C22orf42: variants seen among roughly 807,000 people sequenced by gnomAD.
The protein encoded by C22orf42 is chromosome 22 open reading frame 42, also known as uncharacterized protein C22orf42.
C22orf42 carries 24 observed loss-of-function variants against 31.4 expected under a neutral mutation model. The ratio of observed to expected loss-of-function variants is 0.77; its 90% CI spans 0.55 to 1.08. The LOEUF (loss-of-function observed/expected upper bound fraction) is 1.08. C22orf42 is among the 50% of genes least tolerant of loss of function. C22orf42 has a pLI of 0.00. For synonymous variants in C22orf42, 96 were observed against 112.7 expected, an observed-to-expected ratio of 0.85 and a Z score of 0.94; for missense variants, 276 against 327.3, an observed-to-expected ratio of 0.84 and a Z score of 1.21.
At position 32,150,483 on chromosome 22, in the gene C22orf42, G is replaced by A. The variant is rs1254743930; in HGVS notation, c.494-4C>T. On this transcript the variant is annotated splice_region_variant and splice_polypyrimidine_tract_variant and intron_variant, in intron 6 of 8. Coordinates refer to ENST00000382097, the MANE Select transcript of C22orf42 (RefSeq NM_001010859.3). ...TCACTGAGATCTTCGACCAAATCTA[G>A]GAGAACATAGTGACAGTCAGTGCAT... The A allele has an allele frequency of 1.9e-6, 3 of 1,613,966 alleles. No homozygotes were observed. The highest frequency in any genetic ancestry group is 2.5e-6 in the Non-Finnish European group (3 of 1,180,008).
At chr22:32,155,526 G>A (rs1310459145) in intron 1 of C22orf42, among the ~76,000 whole-genome samples, 8 of 151,144 alleles carry the variant, frequency 5.3e-5, no homozygotes, top group East Asian at 1.9e-4. Context: ...GCACACTCAC[G>A]CCTTGCTTCT....
chr22:32,151,975 A>G (rs1431588710), intron 4 of C22orf42, 92 bp downstream of exon 4: 12 of 1,290,240 alleles, frequency 9.3e-6, no homozygotes, highest in Non-Finnish European at 1.3e-5. Context: ...CTGTGAATAT[A>G]GTAAAAACGC....
intron 1 of C22orf42, among the ~76,000 whole-genome samples, chr22:32,155,255 A>G (rs1343269696): frequency 2.0e-5 from 3 of 152,272 alleles, no homozygotes; most frequent in Middle Eastern, 3.4e-3. Flanking sequence ...CCCTGGAGAG[A>G]TGGCAGGTGG....
intron 3 of C22orf42, 116 bp downstream of exon 3, chr22:32,152,446 C>G (rs1921014614): frequency 1.2e-5 from 11 of 898,346 alleles, no homozygotes; most frequent in Admixed American, 2.0e-5. Context: ...TCTCTAGAGT[C>G]CATGACACTG....
At chr22:32,160,240 C>A (rs1921518813), upstream of C22orf42, 1 of 152,180 alleles carries the variant, frequency 6.6e-6, no homozygotes, top group Admixed American at 6.5e-5. Context: ...ACAAGCCGAT[C>A]ATGATTATCA....
intron 8 of C22orf42, 27 bp from the exon 9 acceptor site, chr22:32,149,640 T>TC: frequency 7.5e-7 from 1 of 1,327,668 alleles, no homozygotes; most frequent in Non-Finnish European, 9.7e-7. Flanking sequence ...AGACTTCATC[T>TC]CAAAAAAAAA....
In C22orf42 at chr22:32,159,206, T is replaced by G. The variant is rs1921458763; in HGVS notation, c.10A>C (p.Lys4Gln). 6.2e-7 allele frequency: 1 copy of G among 1,613,224 alleles called. No individual in the cohort carries two copies. The change falls in exon 1 of 9, where the codon AAA becomes CAA. Residue 4 changes from lysine (K) to glutamine (Q), a missense_variant. Coordinates refer to ENST00000382097, the MANE Select transcript of C22orf42 (RefSeq NM_001010859.3). MGS[K>Q]LTCCLGPSGG... is the part of the protein sequence containing the mutation. ...CTGGGGCCCAGGCAGCAAGTCAGTT[T>G]GCTCCCCATTGGGCACCTAAACACA...
chr22:32,155,440 C>A (rs1185657664), intron 1 of C22orf42, among the ~76,000 whole-genome samples: 3 of 151,272 alleles, frequency 2.0e-5, no homozygotes, highest in Non-Finnish European at 4.4e-5. Flanking sequence ...TGATTCTCAT[C>A]TGCTGGCCTG....
chr22:32,155,259 C>T (rs1455815618), intron 1 of C22orf42, among the ~76,000 whole-genome samples: 8 of 152,166 alleles, frequency 5.3e-5, no homozygotes, highest in Non-Finnish European at 7.3e-5. Flanking sequence ...GGAGAGATGG[C>T]AGGTGGCTTA....
At chr22:32,154,722 T>C (rs62238964) in intron 1 of C22orf42, among the ~76,000 whole-genome samples, 2,531 of 152,308 alleles carry the variant, frequency 0.017, 33 homozygotes, top group African/African-American at 0.038. Context: ...ATCTCTGCTA[T>C]AGACCTACTA....
chr22:32,153,370 AC>A (rs1294277557), intron 2 of C22orf42, among the ~76,000 whole-genome samples: 1 of 152,218 alleles, frequency 6.6e-6, no homozygotes, highest in Non-Finnish European at 1.5e-5. Context: ...GTCACAGTGT[AC>A]TAATAATATC....
chr22:32,151,743 C>A (rs530610316), intron 4 of C22orf42, among the ~76,000 whole-genome samples, 192 bp from the exon 5 acceptor site: 15 of 152,124 alleles, frequency 9.9e-5, no homozygotes, highest in Non-Finnish European at 2.1e-4. Context: ...AATGAAAGAG[C>A]CTTGGCTTTC....
At position 32,150,330 on chromosome 22, in the gene C22orf42, T is replaced by G. The variant is rs1371961074; in HGVS notation, c.643A>C (p.Thr215Pro). 1 of 1,613,944 alleles carries G rather than the reference T, an allele frequency of 6.2e-7. No homozygotes were observed. The highest frequency in any genetic ancestry group is 1.1e-5 in the South Asian group (1 of 91,066). Residue 215 changes from threonine to proline, a missense_variant, in exon 7 of 9, where the codon ACA becomes CCA. By Grantham distance (38) the Thr-to-Pro change is conservative. Transcript: ENST00000382097. ...GAAATGCATCTTACCATCTCCGGTG[T>G]CATGAGGTCTTCAAGAGAGACAGAT... ...SLSVSLEDLM[T>P]PEMAKERYED...
chr22:32,157,602 G>A (rs1921332683), intron 1 of C22orf42, among the ~76,000 whole-genome samples: 1 of 152,146 alleles, frequency 6.6e-6, no homozygotes, highest in African/African-American at 2.4e-5. Context: ...AAATAAGATG[G>A]GATCTCTATG....
In C22orf42 at chr22:32,152,914, ACCT is replaced by A. The variant is rs1178493954; in HGVS notation, c.308-291_308-289del. On this transcript the variant is annotated intron_variant, in intron 2 of 8. Transcript: ENST00000382097. ...TGGTTCAGCGACAGCATCTCATCAC[ACCT>A]CCTCCCCATTTGAAGGTCCAGGCAA... Among the ~76,000 whole-genome samples, 4 of 151,902 alleles carry A rather than the reference ACCT, an allele frequency of 2.6e-5. No homozygotes were observed. The East Asian group carries it at 7.7e-4, about 29-fold the overall frequency.
At chr22:32,149,652 T>A (rs58589689) in intron 8 of C22orf42, 39 bp from the exon 9 acceptor site, 270,444 of 930,288 alleles carry the variant, frequency 0.29, 26,517 homozygotes, top group African/African-American at 0.55. Context: ...AAAAAAAAAA[T>A]ATATATATAT....
chr22:32,160,338 T>C (rs1011031311), upstream of C22orf42: 4 of 151,808 alleles, frequency 2.6e-5, no homozygotes, highest in Non-Finnish European at 5.9e-5. Context: ...TTGATGTGAA[T>C]TTTAAAATGC....
chr22:32,151,799 G>A (rs547476989), intron 4 of C22orf42, among the ~76,000 whole-genome samples: 1 of 152,266 alleles, frequency 6.6e-6, no homozygotes, highest in Non-Finnish European at 1.5e-5. Flanking sequence ...CCTAAGAACC[G>A]GTTAACACAG....
At position 32,150,392 on chromosome 22, in the gene C22orf42, A is replaced by C. The variant is rs965587435; in HGVS notation, c.581T>G (p.Leu194Arg). 3 of 1,614,116 alleles carry C rather than the reference A, an allele frequency of 1.9e-6. No individual in the cohort carries two copies. The highest frequency in any genetic ancestry group is 2.5e-6 in the Non-Finnish European group (3 of 1,179,952). The change falls in exon 7 of 9, where the codon CTT (leucine) becomes CGT (arginine). Residue 194 changes from leucine (L) to arginine (R), a missense_variant. Transcript: ENST00000382097. Reference protein sequence around the residue: ...SDLSESLSVSLEDFMTSGLSE... With the variant: ...SDLSESLSVSREDFMTSGLSE... ...GAGACCTGATGTCATGAAGTCTTCA[A>C]GAGAGACAGATAGGCTTTCACTGAG...
Sources: gnomAD v4.1 joint callset for allele counts (sites outside exome capture counted in the v4.1 genomes callset) on GRCh38, gnomAD v4.1.1 for gene constraint, MANE v1.5 for transcripts, NCBI Gene and HGNC (gene_info 2026-07-23, HGNC 2026-07-21) for gene names.